The following CKM variants were observed in gnomAD, a reference collection of about 807,000 sequenced individuals.
CKM encodes the protein creatine kinase, M-type, also known as creatine kinase M-type.
A neutral mutation model predicts 35.4 loss-of-function variants in CKM; 28 were observed. The ratio of observed to expected loss-of-function variants is 0.79; its 90% CI spans 0.59 to 1.08. CKM has a LOEUF of 1.08. Among genes scored for constraint, CKM ranks in the 50% least tolerant of loss-of-function variants. The pLI is 0.00. For synonymous variants in CKM, 215 were observed against 204.4 expected (o/e 1.05, Z -0.44); for missense variants, 484 against 509.8 (o/e 0.95, Z 0.49).
intron 3 of CKM, among the ~76,000 whole-genome samples, chr19:45,316,379 G>A (rs1056113385): frequency 6.7e-6 from 1 of 149,534 alleles, no homozygotes; most frequent in Admixed American, 6.7e-5. Context: ...GCCCAGGCTG[G>A]TCTCAAACTC....
chr19:45,313,479 A>T (rs1599817233), intron 4 of CKM, among the ~76,000 whole-genome samples: 1 of 152,160 alleles, frequency 6.6e-6, no homozygotes, highest in Non-Finnish European at 1.5e-5. Context: ...AATCAGGCCA[A>T]TTCAGTTCAT....
At chr19:45,312,085 C>T (rs1971116139) in intron 4 of CKM, among the ~76,000 whole-genome samples, 165 bp from the exon 5 acceptor site, 1 of 152,222 alleles carries the variant, frequency 6.6e-6, no homozygotes, top group Admixed American at 6.5e-5. Flanking sequence ...TGTGACGGCT[C>T]CCCAAAATCT....
chr19:45,322,719 G>T, intron 1 of CKM, 102 bp downstream of exon 1: 1 of 700,630 alleles, frequency 1.4e-6, no homozygotes, highest in African/African-American at 1.9e-5. Context: ...GGATGTTGGT[G>T]GAGCAAGGGG....
intron 7 of CKM, 86 bp from the exon 8 acceptor site, chr19:45,307,014 G>C: frequency 1.5e-6 from 2 of 1,348,192 alleles, no homozygotes; most frequent in Non-Finnish European, 2.1e-6. Context: ...TGCAACAGCC[G>C]CATGTAGTGA....
At chr19:45,310,341 C>G (rs1209503722) in intron 5 of CKM, among the ~76,000 whole-genome samples, 1 of 151,742 alleles carries the variant, frequency 6.6e-6, no homozygotes. Context: ...AGGATGGTCT[C>G]GATCTCCTGA....
intron 3 of CKM, 140 bp downstream of exon 3, chr19:45,317,685 G>A: frequency 1.0e-6 from 1 of 960,900 alleles, no homozygotes; most frequent in Admixed American, 2.0e-5. Context: ...GCCTCCCAAT[G>A]TCCCTCTCTC....
rs1357914258 is a variant in CKM, at chr19:45,307,580, C to T, written c.848G>A (p.Cys283Tyr). Residue 283 changes from cysteine to tyrosine, a missense_variant, in exon 7 of 8, where the codon TGC becomes TAC. Physicochemically the swap from Cys to Tyr is radical, Grantham distance 194. Coordinates refer to ENST00000221476, the MANE Select transcript of CKM (RefSeq NM_001824.5). ...CAGCCCAGTGCCCAGGTTGGATGGGCAGGTGAGCACGTAGCCCAGGTGCTG... is the reference window on the plus strand; with the variant it reads ...CAGCCCAGTGCCCAGGTTGGATGGGTAGGTGAGCACGTAGCCCAGGTGCTG... ...WNQHLGYVLT[C>Y]PSNLGTGLRG... The T allele has an allele frequency of 6.2e-7, 1 of 1,614,130 alleles. No individual in the cohort carries two copies. Among genetic ancestry groups the T allele is most frequent in the African/African-American group, 1.3e-5 (1 of 75,040 alleles).
At chr19:45,308,907 A>G (rs2123131611) in intron 5 of CKM, among the ~76,000 whole-genome samples, 1 of 152,296 alleles carries the variant, frequency 6.6e-6, no homozygotes, top group South Asian at 2.1e-4. Context: ...TCCCAATCCT[A>G]GCATCTCAGA....
intron 1 of CKM, among the ~76,000 whole-genome samples, chr19:45,322,529 G>A (rs73942134): frequency 2.7e-3 from 412 of 152,280 alleles, no homozygotes; most frequent in African/African-American, 9.5e-3. Context: ...GCCCCTTGCA[G>A]GGGGTGACAG....
chr19:45,313,413 C>T (rs576596129), intron 4 of CKM, among the ~76,000 whole-genome samples: 1 of 152,244 alleles, frequency 6.6e-6, no homozygotes, highest in East Asian at 1.9e-4. Context: ...CCAGCCATTC[C>T]CTCATCTCTC....
chr19:45,315,548 G>A lies in CKM; in HGVS notation c.398C>T (p.Thr133Ile). ...CGTGTAGCCCTTGATGCTGCGGCCA[G>A]TGCGGACGCGGCTGCTGAGCACGTA... The part of the protein sequence containing the change: ...PNYVLSSRVR[T>I]GRSIKGYTLP... Residue 133 changes from threonine (T) to isoleucine (I), a missense_variant, in exon 4 of 8, where the codon ACT becomes ATT. Physicochemically the swap from Thr to Ile is moderately conservative, Grantham distance 89. Transcript: ENST00000221476. 5 of 1,603,346 alleles carry A rather than the reference G, an allele frequency of 3.1e-6. No individual in the cohort carries two copies. Among genetic ancestry groups the A allele is most frequent in the Non-Finnish European group, 3.4e-6 (4 of 1,179,964 alleles).
At chr19:45,307,729 G>T in intron 6 of CKM, 79 bp from the exon 7 acceptor site, 1 of 1,222,522 alleles carries the variant, frequency 8.2e-7, no homozygotes, top group Non-Finnish European at 1.2e-6. Flanking sequence ...AGGGTCCGGA[G>T]GGACAGGGCG....
intron 4 of CKM, among the ~76,000 whole-genome samples, chr19:45,314,503 T>A (rs937282882): frequency 6.6e-6 from 1 of 151,938 alleles, no homozygotes; most frequent in African/African-American, 2.4e-5. Flanking sequence ...AACCTCTGCC[T>A]CCCAGGTTCA....
At chr19:45,318,500 T>G (rs1274662671) in intron 2 of CKM, among the ~76,000 whole-genome samples, 2 of 145,046 alleles carry the variant, frequency 1.4e-5, no homozygotes, top group South Asian at 2.2e-4. Context: ...GGGGTCAAGG[T>G]GGGAGAGAAG....
intron 4 of CKM, 123 bp downstream of exon 4, chr19:45,315,342 C>G (rs1451706497): frequency 8.8e-7 from 1 of 1,135,478 alleles, no homozygotes; most frequent in African/African-American, 1.5e-5. Flanking sequence ...CAAGCCCCCA[C>G]GATTTACCAA....
intron 4 of CKM, among the ~76,000 whole-genome samples, chr19:45,312,128 G>A (rs936006088): frequency 6.6e-6 from 1 of 152,202 alleles, no homozygotes; most frequent in Admixed American, 6.5e-5. Flanking sequence ...CCCAGGAATG[G>A]CCACCCCATG....
In CKM at chr19:45,317,932, A is replaced by ACTC; in HGVS notation, c.238_240dup (p.Glu80dup). On this transcript the variant is annotated inframe_insertion, in exon 3 of 8. Coordinates refer to ENST00000221476, the MANE Select transcript of CKM (RefSeq NM_001824.5). ...AAGAGTTCCTTGAAAACTTCGTAGG[A>ACTC]CTCCTCATCACCAGCCACGCAGCCC... 1 of 1,612,496 alleles carries ACTC rather than the reference A, an allele frequency of 6.2e-7. No homozygotes were observed. Among genetic ancestry groups the ACTC allele is most frequent in the South Asian group, 1.1e-5 (1 of 90,980 alleles).
rs944537823 is a variant in CKM, at chr19:45,306,995, C to G, written c.968-67G>C. ...TGCAGAGGGGCTGGGACGTGGCCCC[C>G]GTGCCAAATGCAACAGCCGCATGTA... On this transcript the variant is annotated intron_variant, in intron 7 of 7. Transcript: ENST00000221476. The surrounding 1 kb of genome is among the most constrained non-coding windows in gnomAD (Gnocchi z 4.5). 1.9e-6 allele frequency: 3 copies of G among 1,544,858 alleles called. No individual in the cohort carries two copies. The African/African-American group carries it at 4.1e-5, about 21-fold the overall frequency.
At chr19:45,317,756 T>TC (rs1295545164) in intron 3 of CKM, 69 bp downstream of exon 3, 2 of 1,516,518 alleles carry the variant, frequency 1.3e-6, no homozygotes, top group East Asian at 4.5e-5. Flanking sequence ...TTTCTCTGTC[T>TC]CCCCCCATTT....
Sources: allele counts gnomAD v4.1 joint callset (sites outside exome capture counted in the v4.1 genomes callset), GRCh38; gene constraint gnomAD v4.1.1; non-coding constraint Gnocchi (gnomAD v3.1); transcripts MANE v1.5; gene names NCBI Gene and HGNC (gene_info 2026-07-23, HGNC 2026-07-21).